Variants in DNAH10 observed in about 807,000 individuals in gnomAD.
The protein encoded by DNAH10 is dynein axonemal heavy chain 10, also known as axonemal beta dynein heavy chain 10.
Under a neutral mutation model 506.6 loss-of-function variants are expected in DNAH10, and 348 were observed. The ratio of observed to expected loss-of-function variants is 0.69; its 90% CI spans 0.63 to 0.75. DNAH10 has a LOEUF of 0.75. Ranked by LOEUF, DNAH10 falls within the 30% of genes least tolerant of loss-of-function variation. The probability of loss-of-function intolerance (pLI) is 0.00; values close to 1 mark genes in which losing one functional copy is unlikely to be tolerated. For synonymous variants in DNAH10, 2,059 were observed against 2,198.6 expected, an observed-to-expected ratio of 0.94 and a Z score of 1.78; for missense variants, 5,179 against 5,787.1, an observed-to-expected ratio of 0.89 and a Z score of 3.41.
chr12:123,869,251 C>T (rs892445512), intron 43 of DNAH10, among the ~76,000 whole-genome samples: 8 of 152,172 alleles, frequency 5.3e-5, no homozygotes, highest in East Asian at 1.9e-4. Context: ...GCTGTTGCCT[C>T]GAGCACCCAT....
At chr12:123,803,361 C>A (rs957835103) in intron 16 of DNAH10, among the ~76,000 whole-genome samples, 1 of 152,154 alleles carries the variant, frequency 6.6e-6, no homozygotes, top group African/African-American at 2.4e-5. Flanking sequence ...TCAGGGAGCT[C>A]CAGCAGTGAG....
chr12:123,887,108 G>A, intron 51 of DNAH10, 34 bp from the exon 52 acceptor site: 1 of 1,563,942 alleles, frequency 6.4e-7, no homozygotes, highest in African/African-American at 1.4e-5. Context: ...GGCTGGTGGT[G>A]GTGACGCCCA....
intron 21 of DNAH10, among the ~76,000 whole-genome samples, chr12:123,814,918 A>T (rs1054033457): frequency 3.3e-5 from 5 of 152,166 alleles, no homozygotes; most frequent in Non-Finnish European, 7.4e-5. Context: ...CGCCCGGCCT[A>T]GCCAGGTAGA....
Position 123,893,315 on chromosome 12 carries a change from G to C in DNAH10, c.9078G>C (p.Met3026Ile). 6.2e-7 allele frequency: 1 copy of C among 1,614,066 alleles called. No individual in the cohort carries two copies. Among genetic ancestry groups the C allele is most frequent in the Non-Finnish European group, 8.5e-7 (1 of 1,179,904 alleles). The change falls in exon 53 of 79, where the codon ATG (methionine) becomes ATC (isoleucine). Residue 3026 changes from methionine to isoleucine, a missense_variant. This residue lies in a region of DNAH10 where 4,844 missense variants were observed against 5,430.5 expected (regional missense o/e 0.89). Transcript: ENST00000673944. ...GACAGGAAGCTCTGAAGCAAGGCATGGGGCCGGCCAAGGAGTCTGTGTGGC... is the reference window on the plus strand; with the variant it reads ...GACAGGAAGCTCTGAAGCAAGGCATCGGGCCGGCCAAGGAGTCTGTGTGGC... ...QIGQEALKQG[M>I]GPAKESVWQY...
intron 16 of DNAH10, among the ~76,000 whole-genome samples, chr12:123,802,089 G>A (rs559944433): frequency 1.6e-4 from 24 of 152,252 alleles, no homozygotes; most frequent in African/African-American, 4.8e-4. Flanking sequence ...GTGGATTTTC[G>A]AAGCATACCC....
chr12:123,811,507 A>ATT (rs199572725), intron 19 of DNAH10, among the ~76,000 whole-genome samples: 16 of 137,152 alleles, frequency 1.2e-4, no homozygotes, highest in Non-Finnish European at 2.2e-4. Flanking sequence ...ATTTTTATTT[A>ATT]TTTTTTTTTT....
chr12:123,821,070 T>G (rs1254853583), intron 24 of DNAH10, among the ~76,000 whole-genome samples: 1 of 152,068 alleles, frequency 6.6e-6, no homozygotes, highest in Non-Finnish European at 1.5e-5. Flanking sequence ...GCCAACGTGG[T>G]GAAACCCTGT....
Position 123,897,870 on chromosome 12 carries a change from G to A in DNAH10, c.9381G>A (p.Gln3127=). The A allele has an allele frequency of 6.2e-7, 1 of 1,611,330 alleles. No homozygotes were observed. Among genetic ancestry groups the A allele is most frequent in the Admixed American group, 1.7e-5 (1 of 59,352 alleles). Reference sequence around the variant, plus strand: ...ACCACTACAGCCAACAGTTTCTACAGAAATTGAGGCGCAGCAACTATGTCA... The same window carrying A: ...ACCACTACAGCCAACAGTTTCTACAAAAATTGAGGCGCAGCAACTATGTCA... ...SVDHYSQQFL[Q]KLRRSNYVTP... is the part of the protein sequence containing the mutation. The change falls in exon 55 of 79, where the codon CAG becomes CAA. Residue 3127 remains glutamine (Q), a synonymous_variant. Transcript: ENST00000673944.
In DNAH10 at chr12:123,918,523, C is replaced by A. The variant is rs981650094; in HGVS notation, c.11233-153C>A. 11 of 864,670 alleles carry A rather than the reference C, an allele frequency of 1.3e-5. No homozygotes were observed. The African/African-American group carries it at 1.7e-4, about 13-fold the overall frequency. 53.6% of individuals were successfully genotyped at this position (864,670 alleles called of 1,614,324 possible). On this transcript the variant is annotated intron_variant, in intron 64 of 78. Coordinates refer to ENST00000673944, the MANE Select transcript of DNAH10 (RefSeq NM_001372106.1). ...AGCCACAAATATTCACCCCTTCCTA[C>A]AAGAGGGTGGGTGCCCTCGCTCCCC...
intron 52 of DNAH10, among the ~76,000 whole-genome samples, chr12:123,891,913 CA>C (rs1953000198): frequency 6.6e-6 from 1 of 152,232 alleles, no homozygotes; most frequent in Non-Finnish European, 1.5e-5. Context: ...CGGGGAGCCA[CA>C]CAGGACATGC....
intron 49 of DNAH10, 63 bp downstream of exon 49, chr12:123,879,420 G>C (rs1384290565): frequency 1.3e-6 from 2 of 1,536,150 alleles, no homozygotes; most frequent in Non-Finnish European, 1.8e-6. Context: ...AGCGCCAAAA[G>C]TGTTTTTTAT....
chr12:123,888,907 C>A (rs768535572), intron 52 of DNAH10, among the ~76,000 whole-genome samples: 1 of 152,188 alleles, frequency 6.6e-6, no homozygotes, highest in Non-Finnish European at 1.5e-5. Context: ...TTACAGGGAC[C>A]TCCTTTCTTT....
chr12:123,888,888 C>A (rs1952855361), intron 52 of DNAH10, among the ~76,000 whole-genome samples: 1 of 152,294 alleles, frequency 6.6e-6, no homozygotes. Context: ...CTTCGTCTGG[C>A]CTAATGGCTT....
chr12:123,878,988 G>A (rs1421637788), intron 48 of DNAH10, among the ~76,000 whole-genome samples: 1 of 152,190 alleles, frequency 6.6e-6, no homozygotes, highest in African/African-American at 2.4e-5. Flanking sequence ...GATGATGTCA[G>A]GTACTTATTT....
chr12:123,909,509 G>T lies in DNAH10; in HGVS notation c.9997+67G>T. On this transcript the variant is annotated intron_variant, in intron 58 of 78. Coordinates refer to ENST00000673944, the MANE Select transcript of DNAH10 (RefSeq NM_001372106.1). This position sits in a 1 kb window ranked among gnomAD's most constrained non-coding sequence, Gnocchi z 5.4. Reference sequence around the variant, plus strand: ...GTCTGGCATCTCAGGCTCTGGGACAGGGATGGAGGGCAAGGAGGCTTGTCG... The same window carrying T: ...GTCTGGCATCTCAGGCTCTGGGACATGGATGGAGGGCAAGGAGGCTTGTCG... 1 of 1,481,452 alleles carries T rather than the reference G, an allele frequency of 6.8e-7. No individual in the cohort carries two copies. Among genetic ancestry groups the T allele is most frequent in the South Asian group, 1.4e-5 (1 of 72,010 alleles). The allele number at this position is 1,481,452 out of a possible 1,614,324, so 91.8% of individuals were successfully genotyped here.
intron 5 of DNAH10, among the ~76,000 whole-genome samples, chr12:123,775,372 G>A (rs1354694838): frequency 6.6e-6 from 1 of 152,170 alleles, no homozygotes; most frequent in Non-Finnish European, 1.5e-5. Flanking sequence ...GCCTCCCAAA[G>A]TGCTGTGATT....
At chr12:123,811,631 G>A (rs1958937325) in intron 19 of DNAH10, among the ~76,000 whole-genome samples, 1 of 152,124 alleles carries the variant, frequency 6.6e-6, no homozygotes, top group South Asian at 2.1e-4. Flanking sequence ...CTCCCGAGTA[G>A]CTGGGACTAT....
chr12:123,765,564 T>TTATCTATCTATCTATC (rs142140309), intron 1 of DNAH10, among the ~76,000 whole-genome samples: 6,840 of 149,360 alleles, frequency 0.046, 222 homozygotes, highest in East Asian at 0.13. Context: ...TATCTATACT[T>TTATCTATCTATCTATC]TATCTATCTA....
At chr12:123,914,299 C>CA in intron 60 of DNAH10, 30 bp from the exon 61 acceptor site, 1 of 1,532,764 alleles carries the variant, frequency 6.5e-7, no homozygotes, top group Non-Finnish European at 8.9e-7. Flanking sequence ...AAGGTAAACT[C>CA]ACGGCAGCCT....
Sources: gnomAD v4.1 joint callset for allele counts (sites outside exome capture counted in the v4.1 genomes callset) on GRCh38, gnomAD v4.1.1 for gene constraint, gnomAD v4.1.1 regional missense constraint, Gnocchi (gnomAD v3.1) non-coding constraint, MANE v1.5 for transcripts, NCBI Gene and HGNC (gene_info 2026-07-23, HGNC 2026-07-21) for gene names.